The following PRKCA variants were observed in gnomAD, a reference collection of about 807,000 sequenced individuals.
The protein encoded by PRKCA is protein kinase C alpha.
In PRKCA, 27 loss-of-function variants were observed where a neutral mutation model predicts 87.0. That is an observed-to-expected ratio of 0.31 (90% CI 0.23 to 0.43). PRKCA has a LOEUF of 0.43. Ranked by LOEUF, PRKCA falls within the 20% of genes least tolerant of loss-of-function variation. The pLI is 1.00. For synonymous variants in PRKCA, 329 were observed against 311.1 expected (o/e 1.06, Z -0.61); for missense variants, 518 against 852.3 (o/e 0.61, Z 4.88).
chr17:66,497,102 C>T lies in PRKCA; in HGVS notation c.288+819C>T, dbSNP rs1414580956. ...GATTGAAATAATTTAGCATCTGTTT[C>T]ACTGAACAGTGATCTCTGAAGTTGC... On this transcript the variant is annotated intron_variant, in intron 3 of 16. Coordinates refer to ENST00000413366, the MANE Select transcript of PRKCA (RefSeq NM_002737.3). 3.3e-5 allele frequency among the ~76,000 whole-genome samples: 5 copies of T among 152,190 alleles called. No individual in the cohort carries two copies. In the East Asian group the frequency reaches 9.6e-4, roughly 29 times the overall value.
Position 66,804,072 on chromosome 17 carries a change from C to G in PRKCA, c.*35C>G. 6.3e-7 allele frequency: 1 copy of G among 1,583,950 alleles called. No homozygotes were observed. Among genetic ancestry groups the G allele is most frequent in the Non-Finnish European group, 8.6e-7 (1 of 1,158,004 alleles). Reference sequence around the variant, plus strand: ...GCGAGAACAAACACCTCCCCAGCCCCCAGCCCTCCCCGCAGTGGGAAGTGA... The same window carrying G: ...GCGAGAACAAACACCTCCCCAGCCCGCAGCCCTCCCCGCAGTGGGAAGTGA... On this transcript the variant is annotated 3_prime_UTR_variant, in exon 17 of 17. Coordinates refer to ENST00000413366, the MANE Select transcript of PRKCA (RefSeq NM_002737.3).
chr17:66,330,180 A>C (rs1288436849), intron 2 of PRKCA, among the ~76,000 whole-genome samples: 2 of 149,442 alleles, frequency 1.3e-5, no homozygotes, highest in South Asian at 2.1e-4. Flanking sequence ...ATCTCGGCTC[A>C]CTGCAACCTC....
intron 16 of PRKCA, chr17:66,796,480 G>A: frequency 3.0e-6 from 3 of 985,224 alleles, no homozygotes; most frequent in South Asian, 9.4e-5. Context: ...GGCTTCAGTG[G>A]GCCTCCAGGT....
chr17:66,393,990 G>A (rs1910520365), intron 2 of PRKCA, among the ~76,000 whole-genome samples: 1 of 151,940 alleles, frequency 6.6e-6, no homozygotes, highest in South Asian at 2.1e-4. Flanking sequence ...CACGAGAATC[G>A]CTCGAACCTG....
chr17:66,770,876 A>G (rs941105332), intron 13 of PRKCA, among the ~76,000 whole-genome samples: 4 of 152,196 alleles, frequency 2.6e-5, no homozygotes, highest in Admixed American at 2.0e-4. Context: ...GCTGGCTTAG[A>G]TGAAGATGCA....
intron 2 of PRKCA, among the ~76,000 whole-genome samples, chr17:66,429,340 G>A (rs1912982258): frequency 6.6e-6 from 1 of 152,152 alleles, no homozygotes; most frequent in African/African-American, 2.4e-5. Flanking sequence ...TAATACATGT[G>A]TCTGAATGCA....
At chr17:66,528,615 C>A (rs1967431088) in intron 3 of PRKCA, among the ~76,000 whole-genome samples, 1 of 152,098 alleles carries the variant, frequency 6.6e-6, no homozygotes, top group Non-Finnish European at 1.5e-5. Context: ...AAGCAGGGGC[C>A]CCCGGAACTC....
chr17:66,402,413 A>ATT (rs1911088274), intron 2 of PRKCA, among the ~76,000 whole-genome samples: 1 of 111,856 alleles, frequency 8.9e-6, no homozygotes, highest in African/African-American at 3.2e-5. Flanking sequence ...GAGGCCAAGA[A>ATT]ATTTTTTTTT....
chr17:66,555,250 G>A (rs965999118), intron 3 of PRKCA, among the ~76,000 whole-genome samples: 6 of 152,192 alleles, frequency 3.9e-5, no homozygotes, highest in African/African-American at 1.2e-4. Context: ...TAAATGCAAT[G>A]CTTGCTTATG....
chr17:66,604,003 A>G (rs74899807), intron 3 of PRKCA, among the ~76,000 whole-genome samples: 3,949 of 152,212 alleles, frequency 0.026, 154 homozygotes, highest in East Asian at 0.15. Flanking sequence ...CCCTTTGTCG[A>G]TTCACTCATC....
chr17:66,659,317 G>A (rs1478744057), intron 5 of PRKCA, among the ~76,000 whole-genome samples: 1 of 152,116 alleles, frequency 6.6e-6, no homozygotes, highest in Non-Finnish European at 1.5e-5. Flanking sequence ...ATATTCAAAT[G>A]ATATTTCACC....
chr17:66,394,408 A>G (rs761552310), intron 2 of PRKCA, among the ~76,000 whole-genome samples: 1 of 152,192 alleles, frequency 6.6e-6, no homozygotes, highest in Non-Finnish European at 1.5e-5. Context: ...TTAGCAGAGG[A>G]GCTGGCTCAC....
At chr17:66,447,478 G>C (rs1409355753) in intron 2 of PRKCA, among the ~76,000 whole-genome samples, 1 of 152,150 alleles carries the variant, frequency 6.6e-6, no homozygotes, top group Non-Finnish European at 1.5e-5. Context: ...TTGGACCATC[G>C]GTTCAGTAAT....
intron 2 of PRKCA, among the ~76,000 whole-genome samples, chr17:66,465,374 ATATGT>A (rs566273918): frequency 1.0e-3 from 159 of 152,066 alleles, no homozygotes; most frequent in African/African-American, 3.7e-3. Context: ...TTGTCAACTG[ATATGT>A]TATAATTATT....
At position 66,554,140 on chromosome 17, in the gene PRKCA, G is replaced by T. The variant is rs558475160; in HGVS notation, c.288+57857G>T. Among the ~76,000 whole-genome samples, 8 of 152,094 alleles carry T rather than the reference G, an allele frequency of 5.3e-5. No individual in the cohort carries two copies. The South Asian group carries it at 1.7e-3, about 32-fold the overall frequency. On this transcript the variant is annotated intron_variant, in intron 3 of 16. Coordinates refer to ENST00000413366, the MANE Select transcript of PRKCA (RefSeq NM_002737.3). ...AGAGTTAAGACTTTTTGCTGGCCAG[G>T]TATGGTGGCTCACGCCTGTCATCCC...
At chr17:66,441,116 C>T (rs780786969) in intron 2 of PRKCA, among the ~76,000 whole-genome samples, 13 of 146,486 alleles carry the variant, frequency 8.9e-5, no homozygotes, top group Admixed American at 7.1e-4. Flanking sequence ...GAGCCCAGAT[C>T]GCGGCACTGC....
intron 3 of PRKCA, among the ~76,000 whole-genome samples, chr17:66,589,882 A>G (rs1207732953): frequency 6.6e-6 from 1 of 152,194 alleles, no homozygotes; most frequent in East Asian, 1.9e-4. Flanking sequence ...TTTCCACCTC[A>G]GATCATTAGG....
intron 3 of PRKCA, among the ~76,000 whole-genome samples, chr17:66,525,019 C>T (rs1418779162): frequency 6.6e-6 from 1 of 152,204 alleles, no homozygotes; most frequent in Non-Finnish European, 1.5e-5. Context: ...TTCTCTACTC[C>T]TGTGAGTCAA....
intron 13 of PRKCA, among the ~76,000 whole-genome samples, chr17:66,766,300 G>C (rs1974810246): frequency 6.6e-6 from 1 of 152,260 alleles, no homozygotes; most frequent in Non-Finnish European, 1.5e-5. Flanking sequence ...AACCAATCAG[G>C]TGGCCATGGC....
Sources: gnomAD v4.1 joint callset for allele counts (sites outside exome capture counted in the v4.1 genomes callset) on GRCh38, gnomAD v4.1.1 for gene constraint, MANE v1.5 for transcripts, NCBI Gene and HGNC (gene_info 2026-07-23, HGNC 2026-07-21) for gene names.